The following CSMD1 variants were observed in gnomAD, a reference collection of about 807,000 sequenced individuals.
CSMD1 encodes CUB and Sushi multiple domains 1, also known as CUB and sushi domain-containing protein 1.
CSMD1 carries 213 observed loss-of-function variants against 417.5 expected under a neutral mutation model. The ratio of observed to expected loss-of-function variants is 0.51; its 90% confidence interval spans 0.46 to 0.57. The LOEUF (loss-of-function observed/expected upper bound fraction) is 0.57, where lower values mean the gene tolerates loss of function less well. Among genes scored for constraint, CSMD1 ranks in the 20% least tolerant of loss-of-function variants. The probability of loss-of-function intolerance (pLI) is 0.00; values close to 1 mark genes in which losing one functional copy is unlikely to be tolerated. For synonymous variants in CSMD1, 2,862 were observed against 1,736.8 expected (o/e 1.65, Z -16.11); for missense variants, 6,923 against 4,529.7 (o/e 1.53, Z -15.17).
chr8:4,139,601 G>A (rs940419077), intron 3 of CSMD1, among the ~76,000 whole-genome samples: 1 of 151,162 alleles, frequency 6.6e-6, no homozygotes, highest in Non-Finnish European at 1.5e-5. Context: ...GGCATCAAGG[G>A]GACAAGGAGC....
chr8:3,711,344 C>A (rs1801498597), intron 6 of CSMD1, among the ~76,000 whole-genome samples: 1 of 152,166 alleles, frequency 6.6e-6, no homozygotes, highest in South Asian at 2.1e-4. Context: ...CACCCAGATC[C>A]CCCTCCAAGG....
At chr8:3,383,947 G>C (rs550134167) in intron 18 of CSMD1, among the ~76,000 whole-genome samples, 10 of 152,258 alleles carry the variant, frequency 6.6e-5, no homozygotes, top group South Asian at 6.2e-4. Flanking sequence ...ACAGACTTAA[G>C]GTTGCAGGAA....
At chr8:4,503,055 G>A (rs1802338511) in intron 2 of CSMD1, among the ~76,000 whole-genome samples, 1 of 152,112 alleles carries the variant, frequency 6.6e-6, no homozygotes, top group Non-Finnish European at 1.5e-5. Context: ...TTTACTTAAA[G>A]AACTATAGTT....
intron 26 of CSMD1, among the ~76,000 whole-genome samples, chr8:3,283,439 GT>G (rs891526005): frequency 1.2e-4 from 18 of 151,392 alleles, no homozygotes; most frequent in African/African-American, 2.9e-4. Flanking sequence ...AAAGTCGTAC[GT>G]TTTTTTTTTT....
intron 46 of CSMD1, 46 bp downstream of exon 46, chr8:3,106,482 C>T: frequency 5.1e-6 from 6 of 1,171,528 alleles, no homozygotes; most frequent in South Asian, 2.7e-5. Context: ...ATACAATTTT[C>T]CATGTTGAAT....
chr8:3,272,605 C>A (rs1174616391), intron 26 of CSMD1, among the ~76,000 whole-genome samples: 2 of 136,400 alleles, frequency 1.5e-5, no homozygotes, highest in Admixed American at 7.5e-5. Flanking sequence ...CTTTTATTTC[C>A]TTGAGCAGTG....
chr8:3,482,559 C>G (rs1334418710), intron 11 of CSMD1, among the ~76,000 whole-genome samples: 3 of 152,158 alleles, frequency 2.0e-5, no homozygotes, highest in Non-Finnish European at 4.4e-5. Context: ...TAGCAACCTC[C>G]ACAAGTATAG....
At chr8:4,269,600 G>GTT (rs1804444281) in intron 3 of CSMD1, among the ~76,000 whole-genome samples, 1 of 152,028 alleles carries the variant, frequency 6.6e-6, no homozygotes, top group African/African-American at 2.4e-5. Flanking sequence ...TTCACATACA[G>GTT]TTTAACCTCA....
chr8:4,117,233 T>C lies in CSMD1; in HGVS notation c.416-85134A>G, dbSNP rs1216256977. Among the ~76,000 whole-genome samples the C allele has an allele frequency of 8.6e-5, 11 of 127,898 alleles. No individual in the cohort carries two copies. The Admixed American group carries it at 8.8e-4, about 10-fold the overall frequency. 83.9% of individuals were successfully genotyped at this position (127,898 alleles called of 152,430 possible). On this transcript the variant is annotated intron_variant, in intron 3 of 69. Coordinates refer to ENST00000635120, the MANE Select transcript of CSMD1 (RefSeq NM_033225.6). Reference sequence around the variant, plus strand: ...AGGACCCCCTCCATCTCATGGTCGTTTCTGTCTGCTTTCCTCTCATCTATA... The same window carrying C: ...AGGACCCCCTCCATCTCATGGTCGTCTCTGTCTGCTTTCCTCTCATCTATA...
intron 14 of CSMD1, among the ~76,000 whole-genome samples, chr8:3,406,558 C>T (rs1563355056): frequency 6.6e-6 from 1 of 152,052 alleles, no homozygotes; most frequent in Non-Finnish European, 1.5e-5. Flanking sequence ...CGTTAGAATC[C>T]TGACTTTTTT....
At chr8:3,238,006 G>C (rs192483119) in intron 26 of CSMD1, among the ~76,000 whole-genome samples, 1 of 151,404 alleles carries the variant, frequency 6.6e-6, no homozygotes, top group South Asian at 2.1e-4. Context: ...TCGCGTCCGT[G>C]TGAAGAGACC....
chr8:3,733,486 A>T (rs944997038), intron 6 of CSMD1, among the ~76,000 whole-genome samples: 4 of 151,812 alleles, frequency 2.6e-5, no homozygotes, highest in Non-Finnish European at 4.4e-5. Flanking sequence ...CAACGGTTTC[A>T]GTTACCCACG....
At chr8:3,351,806 G>C (rs1300324785) in intron 21 of CSMD1, among the ~76,000 whole-genome samples, 1 of 149,288 alleles carries the variant, frequency 6.7e-6, no homozygotes, top group Non-Finnish European at 1.5e-5. Flanking sequence ...TACATACAAT[G>C]TGTACTCACT....
intron 1 of CSMD1, among the ~76,000 whole-genome samples, chr8:4,750,809 G>A (rs1811271538): frequency 6.6e-6 from 1 of 151,696 alleles, no homozygotes; most frequent in African/African-American, 2.4e-5. Context: ...GCTTTTTTAT[G>A]CTTGTTTCAG....
intron 12 of CSMD1, among the ~76,000 whole-genome samples, chr8:3,452,377 G>T (rs144948291): frequency 6.6e-6 from 1 of 152,154 alleles, no homozygotes; most frequent in Admixed American, 6.5e-5. Flanking sequence ...GTGAGAGAGG[G>T]CACTCCTGTC....
chr8:3,834,173 C>A (rs955560222), intron 5 of CSMD1, among the ~76,000 whole-genome samples: 7 of 151,808 alleles, frequency 4.6e-5, no homozygotes, highest in African/African-American at 1.7e-4. Context: ...CTATTTTTTA[C>A]CTATTCTATC....
intron 5 of CSMD1, among the ~76,000 whole-genome samples, chr8:3,842,652 C>A (rs755806344): frequency 5.9e-5 from 9 of 151,740 alleles, no homozygotes; most frequent in Non-Finnish European, 8.8e-5. Flanking sequence ...TTAGAACACT[C>A]ATAAATTATG....
chr8:3,447,754 G>A (rs113160620), intron 12 of CSMD1, among the ~76,000 whole-genome samples: 1 of 152,204 alleles, frequency 6.6e-6, no homozygotes, highest in Non-Finnish European at 1.5e-5. Context: ...TGGCCAGTCA[G>A]GTTCTCCGTG....
intron 5 of CSMD1, among the ~76,000 whole-genome samples, chr8:3,791,775 G>A (rs1313493726): frequency 1.3e-5 from 2 of 152,036 alleles, no homozygotes; most frequent in Non-Finnish European, 2.9e-5. Flanking sequence ...GTGAGCCGAC[G>A]TCGCAGCACT....
Sources: allele counts gnomAD v4.1 joint callset (sites outside exome capture counted in the v4.1 genomes callset), GRCh38; gene constraint gnomAD v4.1.1; transcripts MANE v1.5; gene names NCBI Gene and HGNC (gene_info 2026-07-23, HGNC 2026-07-21).